ZNF117: variants seen among roughly 807,000 people sequenced by gnomAD.
ZNF117 encodes the protein zinc finger protein 117, also known as Krueppel-related zinc finger protein.
In ZNF117, 37 loss-of-function variants were observed where a neutral mutation model predicts 41.2. The ratio of observed to expected loss-of-function variants is 0.90; its 90% confidence interval spans 0.69 to 1.18. ZNF117 has a LOEUF of 1.18. ZNF117 is among the 50% of genes most tolerant of loss of function. ZNF117 has a pLI of 0.00. For missense variants in ZNF117, 546 were observed against 557.5 expected (o/e 0.98, Z 0.21); for synonymous variants, 186 against 186.6 (o/e 1.00, Z 0.02).
downstream of ZNF117, chr7:64,973,006 A>G (rs963961254): frequency 3.9e-5 from 6 of 152,034 alleles, no homozygotes; most frequent in Non-Finnish European, 8.8e-5. Context: ...ATGAATTTGC[A>G]TAAAAATAAC....
At chr7:64,972,027 G>A (rs190452489), downstream of ZNF117, 1 of 151,752 alleles carries the variant, frequency 6.6e-6, no homozygotes, top group East Asian at 1.9e-4. Context: ...TGAGCAAAAG[G>A]CTTAAATATT....
chr7:64,972,110 A>G (rs1426730922), downstream of ZNF117: 1 of 152,084 alleles, frequency 6.6e-6, no homozygotes, highest in Non-Finnish European at 1.5e-5. Context: ...AAGCAAAAAG[A>G]AAAACCAGGA....
At chr7:64,983,300 C>T (rs1786069908), upstream of ZNF117, among the ~76,000 whole-genome samples, 2 of 152,094 alleles carry the variant, frequency 1.3e-5, no homozygotes, top group South Asian at 4.1e-4. Context: ...GTTCAACAGC[C>T]ACAGAGGGAA....
At chr7:64,985,258 C>T (rs1786111316), upstream of ZNF117, among the ~76,000 whole-genome samples, 7 of 152,216 alleles carry the variant, frequency 4.6e-5, no homozygotes, top group African/African-American at 1.7e-4. Flanking sequence ...AGCACAACTA[C>T]AGACTCCACT....
At chr7:64,981,545 T>G in intron 1 of ZNF117, 63 bp from the exon 3 acceptor site, 1 of 1,359,030 alleles carries the variant, frequency 7.4e-7, no homozygotes, top group Non-Finnish European at 1.0e-6. Flanking sequence ...AACTTGGTAA[T>G]GTGCTCAGTA....
chr7:64,983,846 T>G (rs1268086000), upstream of ZNF117, among the ~76,000 whole-genome samples: 1 of 152,172 alleles, frequency 6.6e-6, no homozygotes, highest in Non-Finnish European at 1.5e-5. Context: ...AAAACAGCTC[T>G]CACTCTGAGA....
chr7:64,980,405 T>C (rs1415519140), intron 2 of ZNF117: 2 of 151,288 alleles, frequency 1.3e-5, no homozygotes, highest in Non-Finnish European at 3.0e-5. Flanking sequence ...TTAACATAAA[T>C]TGAATAATAC....
At chr7:64,986,311 A>G (rs1786134296), upstream of ZNF117, among the ~76,000 whole-genome samples, 1 of 152,224 alleles carries the variant, frequency 6.6e-6, no homozygotes, top group African/African-American at 2.4e-5. Flanking sequence ...AATTTAAAGG[A>G]GAAAGAATGA....
chr7:64,976,952 A>G (rs1467298410), exon 3 of ZNF117: 2 of 533,078 alleles, frequency 3.8e-6, no homozygotes, highest in Non-Finnish European at 7.6e-6. Context: ...ATGATAGGTT[A>G]GCTTTGCCAC....
intron 1 of ZNF117, among the ~76,000 whole-genome samples, chr7:64,987,887 C>T (rs1223426044): frequency 4.0e-5 from 6 of 150,844 alleles, no homozygotes; most frequent in Non-Finnish European, 1.5e-5. Context: ...CAAATATATC[C>T]TCCCAAGACT....
chr7:64,981,509 A>G (rs1181681088), intron 1 of ZNF117, 27 bp from the exon 3 acceptor site: 3 of 1,517,856 alleles, frequency 2.0e-6, no homozygotes, highest in Non-Finnish European at 2.7e-6. Flanking sequence ...AAATAACATA[A>G]ATCTTGCACA....
chr7:64,976,574 C>T (rs565077758), exon 3 of ZNF117: 1 of 201,046 alleles, frequency 5.0e-6, no homozygotes, highest in Non-Finnish European at 1.0e-5. Flanking sequence ...TATATTTGTA[C>T]AATTTTTCTG....
At chr7:64,987,076 T>C (rs1369561837), upstream of ZNF117, among the ~76,000 whole-genome samples, 1 of 151,924 alleles carries the variant, frequency 6.6e-6, no homozygotes, top group Non-Finnish European at 1.5e-5. Context: ...AATTCAAACA[T>C]CCCCAAATTA....
exon 3 of ZNF117, chr7:64,979,097 A>T (rs1473287739): frequency 1.2e-6 from 2 of 1,613,012 alleles, no homozygotes. Context: ...CTCCAGTATG[A>T]ATTCTCTTAT....
chr7:64,984,790 TTTTG>T (rs1786098299), upstream of ZNF117, among the ~76,000 whole-genome samples: 1 of 152,114 alleles, frequency 6.6e-6, no homozygotes, highest in African/African-American at 2.4e-5. Context: ...TAACATTATT[TTTTG>T]TTTGTTTTTT....
At chr7:64,977,349 G>GAC in exon 3 of ZNF117, 1 of 412,814 alleles carries the variant, frequency 2.4e-6, no homozygotes, top group South Asian at 1.9e-5. Context: ...CTTATATGTA[G>GAC]AAAGGGTTGA....
downstream of ZNF117, chr7:64,972,167 G>T (rs916252149): frequency 6.6e-6 from 1 of 152,032 alleles, no homozygotes; most frequent in Non-Finnish European, 1.5e-5. Context: ...AAAAAGAAAA[G>T]AAAGTGTTAG....
chr7:64,984,996 C>G (rs1030598952), upstream of ZNF117, among the ~76,000 whole-genome samples: 2 of 151,348 alleles, frequency 1.3e-5, no homozygotes, highest in Admixed American at 1.3e-4. Flanking sequence ...TTTGCCATGT[C>G]GGCAAGGCTG....
chr7:64,981,205 C>A, intron 2 of ZNF117, 182 bp downstream of exon 3: 4 of 730,658 alleles, frequency 5.5e-6, no homozygotes, highest in Non-Finnish European at 8.8e-6. Flanking sequence ...AAAGAGGAAT[C>A]CTTAGAGAAT....
Sources: allele counts gnomAD v4.1 joint callset (sites outside exome capture counted in the v4.1 genomes callset), GRCh38; gene constraint gnomAD v4.1.1; transcripts MANE v1.5; gene names NCBI Gene and HGNC (gene_info 2026-07-23, HGNC 2026-07-21).